KSR1: variants seen among roughly 807,000 people sequenced by gnomAD.
KSR1 encodes kinase suppressor of ras 1, also known as kinase suppressor of ras.
In KSR1, 35 loss-of-function variants were observed where a neutral mutation model predicts 92.9. The ratio of observed to expected loss-of-function variants is 0.38; its 90% CI spans 0.29 to 0.50. KSR1 has a LOEUF of 0.50. Ranked by LOEUF, KSR1 falls within the 20% of genes least tolerant of loss-of-function variation. The probability of loss-of-function intolerance (pLI) is 0.94; values close to 1 mark genes in which losing one functional copy is unlikely to be tolerated. For missense variants in KSR1, 972 were observed against 1,158.5 expected (o/e 0.84, Z 2.34); for synonymous variants, 467 against 472.6 (o/e 0.99, Z 0.15).
intron 18 of KSR1, among the ~76,000 whole-genome samples, chr17:27,615,866 A>G (rs2074040597): frequency 6.6e-6 from 1 of 152,208 alleles, no homozygotes; most frequent in Admixed American, 6.5e-5. Context: ...TTTCATCCTC[A>G]TATCAGGAGT....
intron 1 of KSR1, among the ~76,000 whole-genome samples, chr17:27,468,661 C>A (rs1350490065): frequency 1.3e-5 from 2 of 152,206 alleles, no homozygotes; most frequent in Admixed American, 6.5e-5. Context: ...CTGAGCTGTA[C>A]CTATCTCAGC....
chr17:27,503,301 C>T (rs2069255884), intron 1 of KSR1, among the ~76,000 whole-genome samples: 1 of 152,200 alleles, frequency 6.6e-6, no homozygotes, highest in African/African-American at 2.4e-5. Flanking sequence ...CCACCAGCAT[C>T]TCGTGGGTAG....
At chr17:27,558,702 TG>T (rs1276641902) in intron 2 of KSR1, among the ~76,000 whole-genome samples, 6 of 104,934 alleles carry the variant, frequency 5.7e-5, no homozygotes, top group Admixed American at 1.2e-4. Flanking sequence ...TTCTGTTTTT[TG>T]TTTTTTTTTT....
rs1317285980 is a variant in KSR1 at position 27,624,547 on chromosome 17, T to C, written c.*1155T>C. 2 of 152,088 alleles carry C rather than the reference T, an allele frequency of 1.3e-5. No individual in the cohort carries two copies. Among genetic ancestry groups the C allele is most frequent in the Non-Finnish European group, 2.9e-5 (2 of 68,036 alleles). The allele number at this position is 152,088 out of a possible 1,614,324, so 9.4% of individuals were successfully genotyped here. ...CATTAGGCCTTCTACTTGTGTCCATTTGAAGCAGGAGGGGCTGGATTTGGA... is the reference window on the plus strand; with the variant it reads ...CATTAGGCCTTCTACTTGTGTCCATCTGAAGCAGGAGGGGCTGGATTTGGA... On this transcript the variant is annotated 3_prime_UTR_variant, in exon 21 of 21. Coordinates refer to ENST00000644974, the MANE Select transcript of KSR1 (RefSeq NM_001394583.1).
chr17:27,522,966 G>A (rs879241935), intron 1 of KSR1, among the ~76,000 whole-genome samples: 1 of 152,172 alleles, frequency 6.6e-6, no homozygotes, highest in Admixed American at 6.5e-5. Flanking sequence ...ATCATGTTAG[G>A]TAGAAATTGG....
intron 1 of KSR1, among the ~76,000 whole-genome samples, chr17:27,492,388 C>T (rs1007856773): frequency 2.0e-5 from 3 of 152,126 alleles, no homozygotes; most frequent in East Asian, 1.9e-4. Context: ...TACACCTGCT[C>T]GTTTCTTGTG....
intron 1 of KSR1, among the ~76,000 whole-genome samples, chr17:27,526,054 C>CTT (rs1567792614): frequency 2.4e-3 from 50 of 20,868 alleles, no homozygotes; most frequent in African/African-American, 0.012. Flanking sequence ...TTCTCTCTCT[C>CTT]TCTCTCTCTT....
At chr17:27,484,716 A>ACAGC (rs1389677127) in intron 1 of KSR1, among the ~76,000 whole-genome samples, 1 of 152,084 alleles carries the variant, frequency 6.6e-6, no homozygotes, top group Non-Finnish European at 1.5e-5. Flanking sequence ...AGAGAGGGAA[A>ACAGC]CAGCCTGCCT....
intron 19 of KSR1, chr17:27,617,781 GC>G (rs1308643322): frequency 3.6e-6 from 1 of 277,456 alleles, no homozygotes; most frequent in Non-Finnish European, 7.4e-6. Flanking sequence ...TCCTGCCTCA[GC>G]CTCCCAAAGT....
intron 5 of KSR1, among the ~76,000 whole-genome samples, chr17:27,586,231 C>T (rs547826399): frequency 6.6e-6 from 1 of 152,320 alleles, no homozygotes; most frequent in African/African-American, 2.4e-5. Context: ...CCCCCACCTC[C>T]AGGTTGGGAG....
At chr17:27,580,309 G>A (rs2072700515) in intron 3 of KSR1, among the ~76,000 whole-genome samples, 1 of 152,202 alleles carries the variant, frequency 6.6e-6, no homozygotes. Flanking sequence ...CTCGTAAGGA[G>A]CAAGCGGTAT....
At chr17:27,500,714 G>C (rs75966715) in intron 1 of KSR1, among the ~76,000 whole-genome samples, 1 of 152,334 alleles carries the variant, frequency 6.6e-6, no homozygotes, top group East Asian at 1.9e-4. Flanking sequence ...CAAACTTGTG[G>C]GTCATTGGGG....
At chr17:27,526,389 G>A (rs2070299825) in intron 1 of KSR1, 1 of 1,494,660 alleles carries the variant, frequency 6.7e-7, no homozygotes, top group African/African-American at 1.4e-5. Flanking sequence ...CAAAGTCTTA[G>A]GGTGAATTGG....
intron 5 of KSR1, among the ~76,000 whole-genome samples, chr17:27,586,264 C>G (rs1460532099): frequency 6.6e-6 from 1 of 152,218 alleles, no homozygotes; most frequent in Non-Finnish European, 1.5e-5. Flanking sequence ...CGTGGCTATG[C>G]TGTGGGGCCT....
chr17:27,496,351 T>C (rs9303652), intron 1 of KSR1, among the ~76,000 whole-genome samples: 80,119 of 151,994 alleles, frequency 0.53, 21,477 homozygotes, highest in East Asian at 0.68. Flanking sequence ...CCATAGAAAC[T>C]CCAATTTCCC....
At chr17:27,484,937 A>G (rs2068620699) in intron 1 of KSR1, among the ~76,000 whole-genome samples, 1 of 152,188 alleles carries the variant, frequency 6.6e-6, no homozygotes. Context: ...AGGCTCCTTT[A>G]CCAACACTGT....
intron 2 of KSR1, among the ~76,000 whole-genome samples, chr17:27,560,667 G>T (rs1285513666): frequency 6.6e-6 from 1 of 152,236 alleles, no homozygotes; most frequent in Non-Finnish European, 1.5e-5. Flanking sequence ...GCAGTAGGAT[G>T]TGTGAGACCT....
chr17:27,569,981 G>T (rs964971458), intron 2 of KSR1, among the ~76,000 whole-genome samples: 2 of 152,226 alleles, frequency 1.3e-5, no homozygotes, highest in African/African-American at 2.4e-5. Flanking sequence ...GTGACAGCGG[G>T]TGCAGCTGGA....
intron 18 of KSR1, among the ~76,000 whole-genome samples, chr17:27,613,673 C>A (rs1448547275): frequency 6.6e-6 from 1 of 152,208 alleles, no homozygotes; most frequent in Non-Finnish European, 1.5e-5. Context: ...CTCCAGGGAC[C>A]CTTCTTTATC....
Sources: allele counts gnomAD v4.1 joint callset (sites outside exome capture counted in the v4.1 genomes callset), GRCh38; gene constraint gnomAD v4.1.1; transcripts MANE v1.5; gene names NCBI Gene and HGNC (gene_info 2026-07-23, HGNC 2026-07-21).